Variants in CDH13 observed in about 807,000 individuals in gnomAD.
CDH13 encodes cadherin-13.
A neutral mutation model predicts 63.8 loss-of-function variants in CDH13; 24 were observed. That is an observed-to-expected ratio of 0.38 (90% CI 0.27 to 0.53). The LOEUF (loss-of-function observed/expected upper bound fraction) is 0.53, where lower values mean the gene tolerates loss of function less well. Ranked by LOEUF, CDH13 falls within the 20% of genes least tolerant of loss-of-function variation. CDH13 has a pLI of 0.85. For missense variants in CDH13, 1,049 were observed against 903.1 expected (o/e 1.16, Z -2.07); for synonymous variants, 503 against 355.3 (o/e 1.42, Z -4.67).
intron 5 of CDH13, among the ~76,000 whole-genome samples, chr16:83,335,717 A>G: frequency 6.6e-6 from 1 of 152,150 alleles, no homozygotes; most frequent in Non-Finnish European, 1.5e-5. Flanking sequence ...TGTATAGAAA[A>G]GCACTGTGAA....
In CDH13 at chr16:83,379,333, C is replaced by T. The variant is rs185357027; in HGVS notation, c.781+34327C>T. Among the ~76,000 whole-genome samples, 22 of 152,226 alleles carry T rather than the reference C, an allele frequency of 1.4e-4. No individual in the cohort carries two copies. In the East Asian group the frequency reaches 2.5e-3, roughly 17 times the overall value. On this transcript the variant is annotated intron_variant, in intron 6 of 13. Transcript: ENST00000567109. ...TGGGTGCTGTTGACTCTTCTACGTC[C>T]GGTGTCTTCCATGGCCTATGGTACA...
At chr16:83,353,653 C>T (rs1234156416) in intron 6 of CDH13, among the ~76,000 whole-genome samples, 2 of 152,364 alleles carry the variant, frequency 1.3e-5, no homozygotes, top group South Asian at 4.1e-4. Flanking sequence ...TGGAGATCAG[C>T]TCAAGAGATG....
intron 1 of CDH13, among the ~76,000 whole-genome samples, chr16:82,795,590 A>G (rs1171051434): frequency 6.6e-6 from 1 of 152,160 alleles, no homozygotes; most frequent in East Asian, 1.9e-4. Flanking sequence ...ACAGACTACA[A>G]AATGAAGGTT....
chr16:82,982,839 T>C (rs1423124307), intron 2 of CDH13, among the ~76,000 whole-genome samples: 1 of 152,180 alleles, frequency 6.6e-6, no homozygotes, highest in African/African-American at 2.4e-5. Context: ...TATTGAGGGA[T>C]GAAGAGTCTT....
intron 8 of CDH13, among the ~76,000 whole-genome samples, chr16:83,616,433 T>G (rs1015871490): frequency 1.3e-5 from 2 of 152,110 alleles, no homozygotes; most frequent in African/African-American, 4.8e-5. Flanking sequence ...AACCTCTGGT[T>G]ATGCTCAAGG....
chr16:83,132,271 AT>A (rs1445078833), intron 4 of CDH13, among the ~76,000 whole-genome samples: 1 of 152,100 alleles, frequency 6.6e-6, no homozygotes, highest in African/African-American at 2.4e-5. Context: ...CTGTTGCCTG[AT>A]TGATTTTATG....
intron 6 of CDH13, among the ~76,000 whole-genome samples, chr16:83,482,081 A>G (rs1043116470): frequency 2.0e-5 from 3 of 152,168 alleles, no homozygotes; most frequent in African/African-American, 7.2e-5. Context: ...GGCGCATTGA[A>G]CAGGGAGCTC....
intron 2 of CDH13, among the ~76,000 whole-genome samples, chr16:82,939,470 A>AGAGG (rs368076000): frequency 1.1e-4 from 13 of 118,722 alleles, no homozygotes; most frequent in South Asian, 3.2e-4. Flanking sequence ...GGAGAGGGAG[A>AGAGG]GAGGGAGGGA....
chr16:82,905,723 A>G (rs752770058), intron 2 of CDH13, among the ~76,000 whole-genome samples: 1 of 152,214 alleles, frequency 6.6e-6, no homozygotes, highest in Non-Finnish European at 1.5e-5. Context: ...ATGTGACTTC[A>G]TTGTGTAATC....
At chr16:83,130,211 T>G (rs1253205647) in intron 4 of CDH13, among the ~76,000 whole-genome samples, 3 of 152,218 alleles carry the variant, frequency 2.0e-5, no homozygotes, top group African/African-American at 7.2e-5. Context: ...ATCTATTATG[T>G]TGAATTCTTA....
At chr16:83,191,462 T>TATATATATATATATATATATATGCAC (rs2038697898) in intron 4 of CDH13, among the ~76,000 whole-genome samples, 1 of 105,562 alleles carries the variant, frequency 9.5e-6, no homozygotes, top group East Asian at 3.0e-4. Flanking sequence ...ATAGGAAATA[T>TATATATATATATATATATATATGCAC]ATATATATAT....
chr16:83,236,205 G>C (rs1490480101), intron 5 of CDH13, among the ~76,000 whole-genome samples: 1 of 147,334 alleles, frequency 6.8e-6, no homozygotes, highest in Non-Finnish European at 1.5e-5. Context: ...CATAAGAACT[G>C]AGAGATAGCC....
At chr16:83,311,733 A>C (rs2090004508) in intron 5 of CDH13, among the ~76,000 whole-genome samples, 1 of 152,188 alleles carries the variant, frequency 6.6e-6, no homozygotes, top group Non-Finnish European at 1.5e-5. Context: ...CTTTTCTTCA[A>C]AGCCAATTTT....
At chr16:83,503,752 T>C (rs574452219) in intron 7 of CDH13, among the ~76,000 whole-genome samples, 3 of 152,320 alleles carry the variant, frequency 2.0e-5, no homozygotes, top group African/African-American at 7.2e-5. Flanking sequence ...GTTTTTTTTC[T>C]TGTAAATTTG....
intron 8 of CDH13, among the ~76,000 whole-genome samples, chr16:83,609,309 G>A (rs745747149): frequency 3.3e-5 from 5 of 152,094 alleles, no homozygotes; most frequent in African/African-American, 1.2e-4. Context: ...TCTTCTTCCA[G>A]TATGGCCCAG....
intron 1 of CDH13, among the ~76,000 whole-genome samples, chr16:82,659,551 A>G (rs1388799285): frequency 2.0e-5 from 3 of 152,260 alleles, no homozygotes; most frequent in Non-Finnish European, 4.4e-5. Context: ...TCAAACATGT[A>G]TAATCCATAT....
intron 8 of CDH13, among the ~76,000 whole-genome samples, chr16:83,664,259 G>A (rs1192230773): frequency 6.6e-6 from 1 of 152,070 alleles, no homozygotes; most frequent in Non-Finnish European, 1.5e-5. Flanking sequence ...TCACTTCAGG[G>A]CCTGACTATG....
At chr16:83,490,960 A>G (rs932889468) in intron 7 of CDH13, among the ~76,000 whole-genome samples, 2 of 152,204 alleles carry the variant, frequency 1.3e-5, no homozygotes, top group Admixed American at 1.3e-4. Context: ...ATAGCACCAG[A>G]TAAATAATAG....
chr16:82,842,141 CATATATATATATATATATATAT>C (rs1170008694), intron 1 of CDH13, among the ~76,000 whole-genome samples: 8,432 of 61,532 alleles, frequency 0.14, 478 homozygotes, highest in Non-Finnish European at 0.19. Context: ...TATATATACA[CATATATATATATATATATATAT>C]ACACACACAC....
Sources: gnomAD v4.1 joint callset for allele counts (sites outside exome capture counted in the v4.1 genomes callset) on GRCh38, gnomAD v4.1.1 for gene constraint, MANE v1.5 for transcripts, NCBI Gene and HGNC (gene_info 2026-07-23, HGNC 2026-07-21) for gene names.